The following RAB5IF variants were observed in gnomAD, a reference collection of about 807,000 sequenced individuals.
The protein encoded by RAB5IF is GEL complex subunit OPTI.
In RAB5IF, 15 loss-of-function variants were observed where a neutral mutation model predicts 20.3. The observed-to-expected ratio is 0.74, with a 90% confidence interval of 0.50 to 1.14. The LOEUF (loss-of-function observed/expected upper bound fraction) is 1.14. RAB5IF is among the 50% of genes most tolerant of loss of function. The pLI, the probability that RAB5IF is intolerant of heterozygous loss-of-function variation, is 0.00. For synonymous variants in RAB5IF, 67 were observed against 63.7 expected, an observed-to-expected ratio of 1.05 and a Z score of -0.25; for missense variants, 148 against 159.5, an observed-to-expected ratio of 0.93 and a Z score of 0.39.
intron 3 of RAB5IF, 118 bp downstream of exon 3, chr20:36,609,848 C>G: frequency 6.3e-7 from 1 of 1,586,406 alleles, no homozygotes; most frequent in South Asian, 1.1e-5. Context: ...TTTCTAAAGG[C>G]TTCTGAGGCT....
chr20:36,609,919 C>T, intron 3 of RAB5IF, 189 bp downstream of exon 3: 2 of 873,834 alleles, frequency 2.3e-6, no homozygotes, highest in East Asian at 2.7e-5. Flanking sequence ...ACTGTACAGT[C>T]CCCTGTAATG....
rs565117922 is a variant in RAB5IF, at chr20:36,609,191, A to G, written c.219-410A>G. Among the ~76,000 whole-genome samples the G allele has an allele frequency of 9.7e-4, 51 of 52,692 alleles. 5 individuals carry two copies. Among genetic ancestry groups the G allele is most frequent in the Middle Eastern group, 0.014 (2 of 140 alleles). 34.6% of individuals were successfully genotyped at this position (52,692 alleles called of 152,430 possible). On this transcript the variant is annotated intron_variant, in intron 2 of 3. Coordinates refer to ENST00000344795, the MANE Select transcript of RAB5IF (RefSeq NM_018840.5). ...CACACACACACACACACACACACAC[A>G]CACGCACACACGCACACACGCACAC...
chr20:36,606,961 C>T (rs561147969), intron 1 of RAB5IF, among the ~76,000 whole-genome samples: 1 of 152,324 alleles, frequency 6.6e-6, no homozygotes, highest in Non-Finnish European at 1.5e-5. Flanking sequence ...CCAGCCCTGC[C>T]CAGCTCTTGC....
At chr20:36,609,211 G>GCACACACACA (rs1269110587) in intron 2 of RAB5IF, among the ~76,000 whole-genome samples, 2 of 36,586 alleles carry the variant, frequency 5.5e-5, no homozygotes, top group Non-Finnish European at 1.0e-4. Flanking sequence ...ACGCACACAC[G>GCACACACACA]CACACACGCA....
At chr20:36,611,470 A>G (rs1600809525) in intron 3 of RAB5IF, among the ~76,000 whole-genome samples, 1 of 130,076 alleles carries the variant, frequency 7.7e-6, no homozygotes, top group Non-Finnish European at 1.6e-5. Flanking sequence ...GGTGGTGTGT[A>G]CCTGTTGAGT....
intron 3 of RAB5IF, among the ~76,000 whole-genome samples, chr20:36,610,235 G>A (rs1360168936): frequency 1.3e-5 from 2 of 152,220 alleles, no homozygotes; most frequent in South Asian, 2.1e-4. Flanking sequence ...AGTGAGCCAA[G>A]ATCGCGCCAT....
intron 2 of RAB5IF, 35 bp downstream of exon 2, chr20:36,607,853 A>G (rs1600800815): frequency 6.2e-7 from 1 of 1,611,022 alleles, no homozygotes; most frequent in African/African-American, 1.3e-5. Flanking sequence ...TCATGGTATC[A>G]TTTCTTTTTA....
chr20:36,611,959 C>T (rs186276156), intron 3 of RAB5IF, 51 bp from the exon 4 acceptor site: 65 of 1,605,536 alleles, frequency 4.0e-5, no homozygotes, highest in Non-Finnish European at 5.3e-5. Context: ...TTTGTGGAAT[C>T]GGCCTGTGTT....
At position 36,609,235 on chromosome 20, in the gene RAB5IF, A is replaced by ACACACACACACACACACACACC. The variant is rs2039039310; in HGVS notation, c.219-345_219-344insCCACACACACACACACACACAC. Among the ~76,000 whole-genome samples, 3 of 129,060 alleles carry ACACACACACACACACACACACC rather than the reference A, an allele frequency of 2.3e-5. 1 individual carries two copies. Among genetic ancestry groups the ACACACACACACACACACACACC allele is most frequent in the Non-Finnish European group, 4.8e-5 (3 of 63,100 alleles). The allele number at this position is 129,060 out of a possible 152,430, so 84.7% of individuals were successfully genotyped here. ...CGCACACACGCACACACACACACAC[A>ACACACACACACACACACACACC]CACACACACACACACACACACTATA... On this transcript the variant is annotated intron_variant, in intron 2 of 3. Transcript: ENST00000344795.
At position 36,605,900 on chromosome 20, in the gene RAB5IF, C is replaced by G. The variant is rs1460861201; in HGVS notation, c.-52C>G. The G allele has an allele frequency of 3.3e-6, 4 of 1,200,448 alleles. No homozygotes were observed. Among genetic ancestry groups the G allele is most frequent in the Non-Finnish European group, 4.4e-6 (4 of 903,412 alleles). The allele number at this position is 1,200,448 out of a possible 1,614,324, so 74.4% of individuals were successfully genotyped here. On this transcript the variant is annotated 5_prime_UTR_variant, in exon 1 of 4. Coordinates refer to ENST00000344795, the MANE Select transcript of RAB5IF (RefSeq NM_018840.5). ...ACCTGCGACCCTAGACCCCGACTCC[C>G]TTTGGCTCAGCCCGCGCGCCCCAGG...
rs753346277 is a variant in RAB5IF, at chr20:36,606,059, G to A, written c.108G>A (p.Glu36=). 8.2e-5 allele frequency: 124 copies of A among 1,506,472 alleles called. 1 individual carries two copies. Among genetic ancestry groups the A allele is most frequent in the Middle Eastern group, 1.8e-4 (1 of 5,592 alleles). 93.3% of individuals were successfully genotyped at this position (1,506,472 alleles called of 1,614,324 possible). Residue 36 remains glutamate (E), a synonymous_variant, in exon 1 of 4, where the codon GAG becomes GAA. Transcript: ENST00000344795. ...TGCTGCGGAGCGACGCGGCCTGGGA[G>A]GATAAGGTACGGTGGAGTCTGAACA... ...SKVLRSDAAW[E]DKDEFLDVIY... is the part of the protein sequence containing the mutation.
chr20:36,609,232 C>T lies in RAB5IF; in HGVS notation c.219-369C>T, dbSNP rs1568595671. Among the ~76,000 whole-genome samples the T allele has an allele frequency of 8.9e-3, 1,140 of 128,760 alleles. 43 individuals carry two copies. Among genetic ancestry groups the T allele is most frequent in the African/African-American group, 0.035 (1,068 of 30,210 alleles). The allele number at this position is 128,760 out of a possible 152,430, so 84.5% of individuals were successfully genotyped here. On this transcript the variant is annotated intron_variant, in intron 2 of 3. Transcript: ENST00000344795. ...ACACGCACACACGCACACACACACA[C>T]ACACACACACACACACACACACACT...
At chr20:36,609,156 T>TACATACATACATACATACACAC in intron 2 of RAB5IF, among the ~76,000 whole-genome samples, 4 of 17,064 alleles carry the variant, frequency 2.3e-4, no homozygotes, top group East Asian at 1.6e-3. Context: ...AGAACTATAT[T>TACATACATACATACATACACAC]ACACACACAC....
At chr20:36,608,556 C>CTTTTTT (rs34058641) in intron 2 of RAB5IF, among the ~76,000 whole-genome samples, 2 of 104,886 alleles carry the variant, frequency 1.9e-5, no homozygotes, top group African/African-American at 3.6e-5. Flanking sequence ...CGGTCTCATT[C>CTTTTTT]TTTTTTTTTT....
chr20:36,609,865 C>T (rs1198569491), intron 3 of RAB5IF, 135 bp downstream of exon 3: 3 of 1,517,820 alleles, frequency 2.0e-6, no homozygotes, highest in Admixed American at 1.7e-5. Flanking sequence ...GGCTCAGGGC[C>T]ATGGCCTGTG....
At chr20:36,609,203 GCA>G (rs1568595543) in intron 2 of RAB5IF, among the ~76,000 whole-genome samples, 1 of 34,612 alleles carries the variant, frequency 2.9e-5, no homozygotes, top group Non-Finnish European at 5.4e-5. Context: ...ACGCACACAC[GCA>G]CACACGCACA....
At chr20:36,608,924 C>T (rs1413203059) in intron 2 of RAB5IF, among the ~76,000 whole-genome samples, 1 of 151,682 alleles carries the variant, frequency 6.6e-6, no homozygotes, top group Non-Finnish European at 1.5e-5. Flanking sequence ...GTCATCTTTA[C>T]GTTTGCATCC....
rs530925525 is a variant in RAB5IF, at chr20:36,610,338, A to G, written c.348+608A>G. ...AATAGCTAAAAAGTACAAACAGTCC[A>G]AATGACCATCACTTGATGAATGGAT... On this transcript the variant is annotated intron_variant, in intron 3 of 3. Transcript: ENST00000344795. Among the ~76,000 whole-genome samples, 47 of 152,306 alleles carry G rather than the reference A, an allele frequency of 3.1e-4. No homozygotes were observed. The South Asian group carries it at 9.5e-3, about 31-fold the overall frequency.
intron 2 of RAB5IF, among the ~76,000 whole-genome samples, chr20:36,609,156 T>TACATACATACACATACAC: frequency 2.3e-4 from 4 of 17,064 alleles, no homozygotes; most frequent in African/African-American, 9.8e-4. Context: ...AGAACTATAT[T>TACATACATACACATACAC]ACACACACAC....
Sources: gnomAD v4.1 joint callset for allele counts (sites outside exome capture counted in the v4.1 genomes callset) on GRCh38, gnomAD v4.1.1 for gene constraint, MANE v1.5 for transcripts, NCBI Gene and HGNC (gene_info 2026-07-23, HGNC 2026-07-21) for gene names.